The following MYT1L variants were observed in gnomAD, a reference collection of about 807,000 sequenced individuals.
The protein encoded by MYT1L is myelin transcription factor 1-like protein.
Under a neutral mutation model 126.7 loss-of-function variants are expected in MYT1L, and 12 were observed. That is an observed-to-expected ratio of 0.09 (90% CI 0.06 to 0.15). The LOEUF (loss-of-function observed/expected upper bound fraction) is 0.15. Among genes scored for constraint, MYT1L ranks in the 10% least tolerant of loss-of-function variants. The pLI, the probability that MYT1L is intolerant of heterozygous loss-of-function variation, is 1.00. For missense variants in MYT1L, 979 were observed against 1,585.2 expected (o/e 0.62, Z 6.49); for synonymous variants, 541 against 604.2 (o/e 0.90, Z 1.53).
At chr2:2,138,732 A>G (rs1358944284) in intron 3 of MYT1L, among the ~76,000 whole-genome samples, 4 of 145,888 alleles carry the variant, frequency 2.7e-5, no homozygotes, top group Non-Finnish European at 6.0e-5. Flanking sequence ...ATTGGGAGAT[A>G]TACCTAATGC....
intron 21 of MYT1L, among the ~76,000 whole-genome samples, chr2:1,822,031 A>G (rs938811335): frequency 6.6e-6 from 1 of 152,138 alleles, no homozygotes; most frequent in African/African-American, 2.4e-5. Flanking sequence ...TCCCCACTCT[A>G]GGTCCCAGCC....
chr2:2,270,795 C>T (rs1187023862), intron 2 of MYT1L, among the ~76,000 whole-genome samples: 1 of 152,036 alleles, frequency 6.6e-6, no homozygotes, highest in Admixed American at 6.5e-5. Context: ...TGCCGTGCCC[C>T]CTCCCAGCCA....
Position 1,912,123 on chromosome 2 carries a change from A to G in MYT1L, c.1619-13T>C. ...TGCATGGCAAGGACTTGACAGGGAG[A>G]GGCAAAGAGAACAGCCAGTGTTAAA... On this transcript the variant is annotated splice_polypyrimidine_tract_variant and intron_variant, in intron 11 of 24. Coordinates refer to ENST00000647738, the MANE Select transcript of MYT1L (RefSeq NM_001303052.2). This position sits in a 1 kb window ranked among gnomAD's most constrained non-coding sequence, Gnocchi z 4.3. 1 of 1,555,698 alleles carries G rather than the reference A, an allele frequency of 6.4e-7. No homozygotes were observed. The highest frequency in any genetic ancestry group is 8.8e-7 in the Non-Finnish European group (1 of 1,139,098).
intron 2 of MYT1L, among the ~76,000 whole-genome samples, chr2:2,209,380 A>G (rs1040016960): frequency 1.3e-5 from 2 of 151,328 alleles, no homozygotes; most frequent in African/African-American, 4.9e-5. Flanking sequence ...TAACCTTCCA[A>G]CTCCCCTACC....
Position 1,813,265 on chromosome 2 carries a change from C to T in MYT1L, c.3081-4098G>A, listed in dbSNP as rs1055025199. Among the ~76,000 whole-genome samples, 5 of 151,210 alleles carry T rather than the reference C, an allele frequency of 3.3e-5. No individual in the cohort carries two copies. The Admixed American group carries it at 3.3e-4, about 10-fold the overall frequency. The stretch of plus-strand genomic sequence containing the variant: ...GCAGCCTCTGCTGTTTGCGCCTGAA[C>T]CCCCTCCCTTCTCTTCATCACTTCA... On this transcript the variant is annotated intron_variant, in intron 21 of 24. Coordinates refer to ENST00000647738, the MANE Select transcript of MYT1L (RefSeq NM_001303052.2).
rs577385826 is a variant in MYT1L at position 1,793,840 on chromosome 2, C to G, written c.3277-1376G>C. Among the ~76,000 whole-genome samples, 3 of 152,184 alleles carry G rather than the reference C, an allele frequency of 2.0e-5. No individual in the cohort carries two copies. Among genetic ancestry groups the G allele is most frequent in the Non-Finnish European group, 4.4e-5 (3 of 68,042 alleles). On this transcript the variant is annotated intron_variant, in intron 23 of 24. Coordinates refer to ENST00000647738, the MANE Select transcript of MYT1L (RefSeq NM_001303052.2). The surrounding 1 kb of genome is among the most constrained non-coding windows in gnomAD (Gnocchi z 4.6). ...ATTAATGTTCCCCTCCCAGCCGCCC[C>G]CTTGCAGGCTCAGGAGTGGATGCCT...
At chr2:2,250,140 C>T (rs894953137) in intron 2 of MYT1L, among the ~76,000 whole-genome samples, 19 of 152,074 alleles carry the variant, frequency 1.2e-4, no homozygotes, top group African/African-American at 3.9e-4. Context: ...AAAAATAGAG[C>T]TACCATAAAA....
At chr2:2,302,768 G>A (rs2095803256) in intron 1 of MYT1L, among the ~76,000 whole-genome samples, 1 of 152,130 alleles carries the variant, frequency 6.6e-6, no homozygotes, top group Admixed American at 6.5e-5. Context: ...TTATTAATTA[G>A]ATTGTAGACG....
rs149289250 is a variant in MYT1L at position 2,159,865 on chromosome 2, T to G, written c.-304+13007A>C. On this transcript the variant is annotated intron_variant, in intron 3 of 24. Coordinates refer to ENST00000647738, the MANE Select transcript of MYT1L (RefSeq NM_001303052.2). ...TCTTCTGTTTGCTACTTTTTCTTCT[T>G]TCTCTCCTTACCCTCATAAACACTC... 9.9e-4 allele frequency among the ~76,000 whole-genome samples: 150 copies of G among 152,182 alleles called. 3 individuals are homozygous for G. In the East Asian group the frequency reaches 0.024, roughly 24 times the overall value.
intron 5 of MYT1L, among the ~76,000 whole-genome samples, chr2:1,990,357 T>G (rs2061364910): frequency 6.6e-6 from 1 of 152,218 alleles, no homozygotes; most frequent in South Asian, 2.1e-4. Context: ...TTCAATTCAT[T>G]CTTGAATTCT....
intron 2 of MYT1L, among the ~76,000 whole-genome samples, chr2:2,260,290 T>A (rs1424286740): frequency 6.6e-6 from 1 of 152,214 alleles, no homozygotes. Flanking sequence ...GACAAAACTT[T>A]CCTGAGGATC....
intron 3 of MYT1L, among the ~76,000 whole-genome samples, chr2:2,070,215 T>C (rs1034474497): frequency 9.9e-5 from 15 of 152,184 alleles, no homozygotes; most frequent in Non-Finnish European, 1.3e-4. Context: ...AGTAAATTTA[T>C]CATTCTTACC....
At chr2:2,171,680 T>A (rs1160790341) in intron 3 of MYT1L, among the ~76,000 whole-genome samples, 1 of 152,104 alleles carries the variant, frequency 6.6e-6, no homozygotes, top group Non-Finnish European at 1.5e-5. Context: ...ACATAATGCC[T>A]TCCCCAAACG....
chr2:2,155,215 G>A (rs1220934053), intron 3 of MYT1L, among the ~76,000 whole-genome samples: 2 of 152,188 alleles, frequency 1.3e-5, no homozygotes, highest in African/African-American at 4.8e-5. Flanking sequence ...GTGTTGGACT[G>A]AATTGTTATA....
chr2:2,001,095 C>T (rs2062327774), intron 4 of MYT1L, among the ~76,000 whole-genome samples: 1 of 152,174 alleles, frequency 6.6e-6, no homozygotes, highest in African/African-American at 2.4e-5. Flanking sequence ...CCCCATACAA[C>T]CTGAAAACTG....
At chr2:2,044,369 G>A (rs549496505) in intron 4 of MYT1L, among the ~76,000 whole-genome samples, 5 of 152,320 alleles carry the variant, frequency 3.3e-5, no homozygotes, top group South Asian at 2.1e-4. Context: ...TTACATAAGC[G>A]TAAAGTTGCA....
rs181696234 is a variant in MYT1L at position 2,262,468 on chromosome 2, G to A, written c.-421+21936C>T. ...AGCACTTTGGGAGGCCGAGGCAGGCGGATCACAAGGTCAGGAGGTCGAGAC... is the reference window on the plus strand; with the variant it reads ...AGCACTTTGGGAGGCCGAGGCAGGCAGATCACAAGGTCAGGAGGTCGAGAC... On this transcript the variant is annotated intron_variant, in intron 2 of 24. Transcript: ENST00000647738. Among the ~76,000 whole-genome samples, 388 of 152,050 alleles carry A rather than the reference G, an allele frequency of 2.6e-3. 1 individual carries two copies. The highest frequency in any genetic ancestry group is 9.1e-3 in the African/African-American group (376 of 41,458).
At chr2:2,229,151 C>A (rs2094097876) in intron 2 of MYT1L, among the ~76,000 whole-genome samples, 1 of 152,158 alleles carries the variant, frequency 6.6e-6, no homozygotes, top group African/African-American at 2.4e-5. Flanking sequence ...ACATATTTAA[C>A]ATAACTATCT....
chr2:2,279,659 T>C (rs993583788), intron 2 of MYT1L, among the ~76,000 whole-genome samples: 3 of 152,280 alleles, frequency 2.0e-5, no homozygotes, highest in Non-Finnish European at 2.9e-5. Flanking sequence ...CATGCCCAGG[T>C]TGCTTTTCCC....
Sources: allele counts gnomAD v4.1 joint callset (sites outside exome capture counted in the v4.1 genomes callset), GRCh38; gene constraint gnomAD v4.1.1; non-coding constraint Gnocchi (gnomAD v3.1); transcripts MANE v1.5; gene names NCBI Gene and HGNC (gene_info 2026-07-23, HGNC 2026-07-21).